Variants in TAB2 observed in about 807,000 individuals in gnomAD.
TAB2 encodes TGF-beta activated kinase 1 (MAP3K7) binding protein 2.
In TAB2, 3 loss-of-function variants were observed where a neutral mutation model predicts 65.0. The ratio of observed to expected loss-of-function variants is 0.05; its 90% confidence interval spans 0.02 to 0.12. TAB2 has a LOEUF of 0.12. Ranked by LOEUF, TAB2 falls within the 10% of genes least tolerant of loss-of-function variation. The pLI, the probability that TAB2 is intolerant of heterozygous loss-of-function variation, is 1.00. For missense variants in TAB2, 623 were observed against 840.3 expected (o/e 0.74, Z 3.20); for synonymous variants, 298 against 285.1 (o/e 1.05, Z -0.46).
intron 2 of TAB2, among the ~76,000 whole-genome samples, chr6:149,377,568 CAAAT>C (rs1279047430): frequency 6.6e-6 from 1 of 152,144 alleles, no homozygotes; most frequent in African/African-American, 2.4e-5. Context: ...TTAGTTTAAA[CAAAT>C]GTGTATAGCA....
intron 1 of TAB2, among the ~76,000 whole-genome samples, chr6:149,250,159 A>G (rs1430026992): frequency 6.6e-6 from 1 of 152,178 alleles, no homozygotes; most frequent in Non-Finnish European, 1.5e-5. Context: ...TTACCAGAGT[A>G]TACAGATCTT....
intron 1 of TAB2, among the ~76,000 whole-genome samples, chr6:149,240,127 T>C (rs1777571395): frequency 6.6e-6 from 1 of 152,220 alleles, no homozygotes; most frequent in African/African-American, 2.4e-5. Context: ...ATCTTGATTA[T>C]TATAATTAAT....
At chr6:149,357,434 C>A (rs373928481) in intron 1 of TAB2, among the ~76,000 whole-genome samples, 1,906 of 106,124 alleles carry the variant, frequency 0.018, 28 homozygotes, top group Non-Finnish European at 0.023. Context: ...AAAAAAAACA[C>A]ACACACACAC....
rs753794147 is a variant in TAB2 at position 149,265,522 on chromosome 6, G to GT, written c.-121+46751dup. Among the ~76,000 whole-genome samples, 12 of 151,034 alleles carry GT rather than the reference G, an allele frequency of 7.9e-5. No homozygotes were observed. In the East Asian group the frequency reaches 1.9e-3, roughly 24 times the overall value. ...TTCCTCTTCTGTGGTTTCTGTTTGTGTTTTTGCCCCTGCTTCCTTAAGCTT... is the reference window on the plus strand; with the variant it reads ...TTCCTCTTCTGTGGTTTCTGTTTGTGTTTTTTGCCCCTGCTTCCTTAAGCTT... On this transcript the variant is annotated intron_variant, in intron 1 of 1. Transcript: ENST00000606202.
intron 1 of TAB2, among the ~76,000 whole-genome samples, chr6:149,341,686 A>T (rs1780131862): frequency 6.6e-6 from 1 of 152,088 alleles, no homozygotes; most frequent in Non-Finnish European, 1.5e-5. Context: ...GAAAATTTAC[A>T]TTTTTCACAA....
upstream of TAB2, among the ~76,000 whole-genome samples, chr6:149,315,976 C>G (rs1212607576): frequency 6.6e-6 from 1 of 152,310 alleles, no homozygotes; most frequent in African/African-American, 2.4e-5. Context: ...CCTACCATTT[C>G]AAAAGCAATT....
chr6:149,358,673 T>TGTGTGTGTGTGTGTGTGTGTGTG (rs71010863), intron 1 of TAB2, among the ~76,000 whole-genome samples: 35 of 150,980 alleles, frequency 2.3e-4, no homozygotes, highest in East Asian at 7.8e-4. Flanking sequence ...TGTGTGTGTG[T>TGTGTGTGTGTGTGTGTGTGTGTG]TTTCAGTATA....
chr6:149,300,348 G>C (rs1778950011), intron 1 of TAB2, among the ~76,000 whole-genome samples: 1 of 152,190 alleles, frequency 6.6e-6, no homozygotes. Flanking sequence ...GTGGGTGCGA[G>C]GTTGACAGGG....
At chr6:149,368,139 C>A (rs769843362) in intron 1 of TAB2, among the ~76,000 whole-genome samples, 4 of 152,044 alleles carry the variant, frequency 2.6e-5, no homozygotes, top group Non-Finnish European at 1.5e-5. Flanking sequence ...GGAAAAGGAT[C>A]CAGCAAAGTA....
rs1325025525 is a variant in TAB2, at chr6:149,317,731, A to C, written c.-374A>C. On this transcript the variant is annotated 5_prime_UTR_variant, in exon 1 of 7. Transcript: ENST00000637181. The surrounding 1 kb of genome is among the most constrained non-coding windows in gnomAD (Gnocchi z 4.7). ...CCAGCCGTCGTTTTTGATCTGCTGC[A>C]GCCGCCGGCGGGGCGACCCAGCCCG... The C allele has an allele frequency of 1.3e-5, 2 of 158,524 alleles. No individual in the cohort carries two copies. Among genetic ancestry groups the C allele is most frequent in the African/African-American group, 4.8e-5 (2 of 41,272 alleles). 9.8% of individuals were successfully genotyped at this position (158,524 alleles called of 1,614,324 possible).
intron 1 of TAB2, among the ~76,000 whole-genome samples, chr6:149,264,798 G>T (rs1778227289): frequency 6.6e-6 from 1 of 152,244 alleles, no homozygotes; most frequent in Admixed American, 6.5e-5. Flanking sequence ...AGCAAGGCAA[G>T]CCACAGCGGA....
intron 1 of TAB2, among the ~76,000 whole-genome samples, chr6:149,349,924 C>T (rs1780434455): frequency 6.6e-6 from 1 of 151,970 alleles, no homozygotes; most frequent in Admixed American, 6.6e-5. Context: ...AACATACATG[C>T]ATGCATTCAT....
intron 1 of TAB2, among the ~76,000 whole-genome samples, chr6:149,300,842 G>C (rs1354444710): frequency 1.3e-5 from 2 of 152,172 alleles, no homozygotes; most frequent in Non-Finnish European, 2.9e-5. Flanking sequence ...CTAAATCATG[G>C]AATTAAAGTA....
chr6:149,371,007 A>G (rs11155646), intron 2 of TAB2, among the ~76,000 whole-genome samples: 15,369 of 139,630 alleles, frequency 0.11, 929 homozygotes, highest in African/African-American at 0.17. Context: ...CAGAGGTTGC[A>G]GTGAGCTGGG....
chr6:149,318,832 A>G (rs191467336), intron 1 of TAB2: 1 of 152,330 alleles, frequency 6.6e-6, no homozygotes, highest in East Asian at 1.9e-4. Flanking sequence ...TATATAGTAT[A>G]TTTGAGATGT....
At chr6:149,331,037 C>T (rs961814711) in intron 1 of TAB2, among the ~76,000 whole-genome samples, 12 of 152,070 alleles carry the variant, frequency 7.9e-5, no homozygotes, top group African/African-American at 2.9e-4. Flanking sequence ...TATAGTAAGT[C>T]TTAAAATTAG....
intron 1 of TAB2, among the ~76,000 whole-genome samples, chr6:149,283,940 T>A (rs768502749): frequency 2.0e-5 from 3 of 152,330 alleles, no homozygotes; most frequent in Non-Finnish European, 4.4e-5. Context: ...TTATGACAAT[T>A]TTGTAAGTGT....
chr6:149,259,653 T>C lies in TAB2; in HGVS notation c.-121+40877T>C, dbSNP rs1441075191. ...CAGAAGAATTAGACATCCTGTCTTA[T>C]AGATGCTTATTCATAAAAGAGTGGG... is the stretch of plus-strand genomic sequence containing the variant. On this transcript the variant is annotated intron_variant, in intron 1 of 1. Coordinates refer to the TAB2 transcript ENST00000606202. Among the ~76,000 whole-genome samples, 3 of 152,338 alleles carry C rather than the reference T, an allele frequency of 2.0e-5. No homozygotes were observed. The East Asian group carries it at 5.8e-4, about 29-fold the overall frequency.
At chr6:149,264,887 C>T (rs939506282) in intron 1 of TAB2, among the ~76,000 whole-genome samples, 14 of 152,200 alleles carry the variant, frequency 9.2e-5, no homozygotes, top group African/African-American at 2.4e-4. Context: ...CTAATGAGAA[C>T]GTGTGAGCCA....
Sources: allele counts gnomAD v4.1 joint callset (sites outside exome capture counted in the v4.1 genomes callset), GRCh38; gene constraint gnomAD v4.1.1; non-coding constraint Gnocchi (gnomAD v3.1); transcripts MANE v1.5; gene names NCBI Gene and HGNC (gene_info 2026-07-23, HGNC 2026-07-21).